The following ARMH4 variants were observed in gnomAD, a reference collection of about 807,000 sequenced individuals.
ARMH4 encodes armadillo-like helical domain-containing protein 4.
Under a neutral mutation model 61.9 loss-of-function variants are expected in ARMH4, and 49 were observed. The ratio of observed to expected loss-of-function variants is 0.79; its 90% CI spans 0.63 to 1.00. The LOEUF is 1.00. ARMH4 is among the 50% of genes least tolerant of loss of function. ARMH4 has a pLI of 0.00. For synonymous variants in ARMH4, 368 were observed against 341.5 expected, an observed-to-expected ratio of 1.08 and a Z score of -0.85; for missense variants, 934 against 930.0, an observed-to-expected ratio of 1.00 and a Z score of -0.06.
intron 5 of ARMH4, among the ~76,000 whole-genome samples, chr14:58,084,590 CCAAA>C (rs1885326149): frequency 6.6e-6 from 1 of 152,122 alleles, no homozygotes; most frequent in East Asian, 1.9e-4. Flanking sequence ...CCTTCCTGTT[CCAAA>C]CAGTCACTAT....
Position 58,138,790 on chromosome 14 carries a change from TG to T in ARMH4, c.568del (p.Gln190AsnfsTer21). 2 of 1,614,218 alleles carry T rather than the reference TG, an allele frequency of 1.2e-6. No homozygotes were observed. Among genetic ancestry groups the T allele is most frequent in the Non-Finnish European group, 1.7e-6 (2 of 1,180,042 alleles). On this transcript the variant is annotated frameshift_variant, in exon 2 of 8. Transcript: ENST00000267485. LOFTEE classifies it high-confidence loss of function. ...TTCCTGACTTTCAGTTGCAAATGAT[TG>T]ATTATCCATATACTTCAGAAAACCT... ...TKGFLKYMDN[Q>X]SFATESQEGV...
rs145180619 is a variant in ARMH4 at position 58,138,537 on chromosome 14, G to C, written c.822C>G (p.Leu274=). 7 of 1,614,206 alleles carry C rather than the reference G, an allele frequency of 4.3e-6. No homozygotes were observed. The highest frequency in any genetic ancestry group is 1.1e-5 in the South Asian group (1 of 91,074). Reference sequence around the variant, plus strand: ...CACTCAGGGTGTACTCGGAAGTTTCGAGTGGTTGCTTGGTGGCAGCAGCCT... The same window carrying C: ...CACTCAGGGTGTACTCGGAAGTTTCCAGTGGTTGCTTGGTGGCAGCAGCCT... ...NTQAAATKQP[L]ETSEYTLSVE... Residue 274 remains leucine, a synonymous_variant, in exon 2 of 8, where the codon CTC becomes CTG. Coordinates refer to ENST00000267485, the MANE Select transcript of ARMH4 (RefSeq NM_001001872.4).
chr14:58,004,660 C>CTTT lies in ARMH4; in HGVS notation c.*73_*75dup. 3.1e-6 allele frequency: 3 copies of CTTT among 981,214 alleles called. No homozygotes were observed. Among genetic ancestry groups the CTTT allele is most frequent in the Non-Finnish European group, 2.9e-6 (2 of 682,012 alleles). 60.8% of individuals were successfully genotyped at this position (981,214 alleles called of 1,614,324 possible). A position where few individuals can be genotyped will look rare whatever the true frequency, so the allele number is the denominator to read the frequency against. On this transcript the variant is annotated 3_prime_UTR_variant, in exon 8 of 8. Coordinates refer to ENST00000267485, the MANE Select transcript of ARMH4 (RefSeq NM_001001872.4). ...GATAGCAGCAATGTGGCAGGTTGTT[C>CTTT]TTTTTTTTTTTCTGCTCCAAAATAA... is the stretch of plus-strand genomic sequence containing the variant.
chr14:58,004,676 T>C lies in ARMH4; in HGVS notation c.*60A>G. On this transcript the variant is annotated 3_prime_UTR_variant, in exon 8 of 8. Transcript: ENST00000267485. Reference sequence around the variant, plus strand: ...CAGGTTGTTCTTTTTTTTTTTCTGCTCCAAAATAAAAATTAGAATAGTAGC... The same window carrying C: ...CAGGTTGTTCTTTTTTTTTTTCTGCCCCAAAATAAAAATTAGAATAGTAGC... The C allele has an allele frequency of 2.2e-6, 3 of 1,354,002 alleles. No individual in the cohort carries two copies. Among genetic ancestry groups the C allele is most frequent in the Non-Finnish European group, 3.1e-6 (3 of 966,106 alleles). The allele number at this position is 1,354,002 out of a possible 1,614,324, so 83.9% of individuals were successfully genotyped here.
chr14:58,043,604 G>A (rs1042979115), intron 5 of ARMH4, among the ~76,000 whole-genome samples: 1 of 152,138 alleles, frequency 6.6e-6, no homozygotes, highest in Admixed American at 6.5e-5. Context: ...GTTCTGGCCA[G>A]GGCAATTAGG....
intron 5 of ARMH4, among the ~76,000 whole-genome samples, chr14:58,047,586 T>C (rs1883985173): frequency 1.3e-5 from 2 of 152,170 alleles, no homozygotes; most frequent in South Asian, 4.1e-4. Flanking sequence ...AGCTTATAAG[T>C]GGCAGACCTG....
intron 5 of ARMH4, among the ~76,000 whole-genome samples, chr14:58,046,356 T>A (rs1594719562): frequency 6.6e-6 from 1 of 152,338 alleles, no homozygotes; most frequent in East Asian, 1.9e-4. Context: ...TGAGATGATC[T>A]AGTTCAATTC....
intron 5 of ARMH4, among the ~76,000 whole-genome samples, chr14:58,022,614 T>C (rs999927163): frequency 1.3e-5 from 2 of 152,066 alleles, no homozygotes; most frequent in Non-Finnish European, 2.9e-5. Flanking sequence ...CCACCTCACT[T>C]CCTCACTCCC....
intron 4 of ARMH4, among the ~76,000 whole-genome samples, chr14:58,105,080 T>G (rs538750226): frequency 1.3e-5 from 2 of 152,148 alleles, no homozygotes; most frequent in Non-Finnish European, 2.9e-5. Flanking sequence ...CCAAAATAAA[T>G]AATGATGTCA....
At chr14:58,057,570 C>CTGTGTGTGTG (rs58765566) in intron 5 of ARMH4, among the ~76,000 whole-genome samples, 7 of 149,382 alleles carry the variant, frequency 4.7e-5, no homozygotes, top group Admixed American at 4.7e-4. Flanking sequence ...GTGTGTGTGT[C>CTGTGTGTGTG]TGTGTGTGTG....
At chr14:58,056,665 G>A (rs1884359390) in intron 5 of ARMH4, among the ~76,000 whole-genome samples, 1 of 152,150 alleles carries the variant, frequency 6.6e-6, no homozygotes, top group African/African-American at 2.4e-5. Context: ...CAAGCCTCGG[G>A]CTGAAGTAGA....
At chr14:58,149,107 TTTC>T (rs1248785358) in intron 1 of ARMH4, among the ~76,000 whole-genome samples, 1 of 152,230 alleles carries the variant, frequency 6.6e-6, no homozygotes, top group East Asian at 1.9e-4. Flanking sequence ...TGTCTTACTT[TTTC>T]TTTTTTTAAA....
intron 5 of ARMH4, among the ~76,000 whole-genome samples, chr14:58,059,927 G>T (rs2141212374): frequency 6.6e-6 from 1 of 152,218 alleles, no homozygotes; most frequent in Non-Finnish European, 1.5e-5. Flanking sequence ...TCAAGCAACT[G>T]AAAAGCTAAG....
intron 4 of ARMH4, among the ~76,000 whole-genome samples, chr14:58,123,597 C>A (rs1338551195): frequency 6.6e-6 from 1 of 152,184 alleles, no homozygotes; most frequent in African/African-American, 2.4e-5. Context: ...TCTGCTTTCC[C>A]AAATACCAGA....
At chr14:58,016,633 T>C (rs982053507) in intron 5 of ARMH4, among the ~76,000 whole-genome samples, 1 of 152,244 alleles carries the variant, frequency 6.6e-6, no homozygotes, top group Non-Finnish European at 1.5e-5. Context: ...TGACAGTAGA[T>C]TGCTGATAGT....
At chr14:58,006,922 ATAAATAAAT>A (rs1340840698) in intron 6 of ARMH4, among the ~76,000 whole-genome samples, 1 of 151,904 alleles carries the variant, frequency 6.6e-6, no homozygotes, top group Admixed American at 6.6e-5. Flanking sequence ...AAATAAATAA[ATAAATAAAT>A]TAATTAATTA....
intron 5 of ARMH4, among the ~76,000 whole-genome samples, chr14:58,044,500 A>G (rs1235761394): frequency 6.6e-6 from 1 of 152,186 alleles, no homozygotes; most frequent in Non-Finnish European, 1.5e-5. Flanking sequence ...TAAACCTAAA[A>G]CCATAAAAAC....
chr14:58,076,958 A>G (rs1414024675), intron 5 of ARMH4, among the ~76,000 whole-genome samples: 1 of 152,126 alleles, frequency 6.6e-6, no homozygotes, highest in African/African-American at 2.4e-5. Flanking sequence ...CCAAGGCTTC[A>G]CCCTCTACCC....
In ARMH4 at chr14:58,138,053, T is replaced by C. The variant is rs764438987; in HGVS notation, c.1306A>G (p.Thr436Ala). Reference protein sequence around the residue: ...KENDALFFLETTVSVSVYESE... With the variant: ...KENDALFFLEATVSVSVYESE... ...TCATATACAGAGACAGAAACAGTGG[T>C]TTCTAAGAAAAACAGGGCATCGTTT... Residue 436 changes from threonine (T) to alanine (A), a missense_variant, in exon 2 of 8, where the codon ACC becomes GCC. Thr to Ala is a moderately conservative substitution (Grantham distance 58, BLOSUM62 0). Coordinates refer to ENST00000267485, the MANE Select transcript of ARMH4 (RefSeq NM_001001872.4). 2 of 1,614,192 alleles carry C rather than the reference T, an allele frequency of 1.2e-6. No homozygotes were observed. The highest frequency in any genetic ancestry group is 2.2e-5 in the South Asian group (2 of 91,086).
Sources: allele counts gnomAD v4.1 joint callset (sites outside exome capture counted in the v4.1 genomes callset), GRCh38; gene constraint gnomAD v4.1.1; transcripts MANE v1.5; gene names NCBI Gene and HGNC (gene_info 2026-07-23, HGNC 2026-07-21).